The following NCKAP5 variants were observed in gnomAD, a reference collection of about 807,000 sequenced individuals.
The protein encoded by NCKAP5 is NCK associated protein 5, also known as nck-associated protein 5.
NCKAP5 carries 92 observed loss-of-function variants against 167.0 expected under a neutral mutation model. The ratio of observed to expected loss-of-function variants is 0.55; its 90% CI spans 0.47 to 0.66. The LOEUF is 0.66. Ranked by LOEUF, NCKAP5 falls within the 30% of genes least tolerant of loss-of-function variation. The pLI is 0.00. For missense variants in NCKAP5, 2,378 were observed against 2,315.0 expected, an observed-to-expected ratio of 1.03 and a Z score of -0.56; for synonymous variants, 891 against 877.4, an observed-to-expected ratio of 1.02 and a Z score of -0.27.
At chr2:133,113,429 G>C (rs1402366835) in intron 6 of NCKAP5, among the ~76,000 whole-genome samples, 2 of 152,192 alleles carry the variant, frequency 1.3e-5, no homozygotes, top group Non-Finnish European at 2.9e-5. Context: ...TTAGGGAAGG[G>C]TTTCTTGTAA....
At chr2:133,288,973 A>G (rs1016134658) in intron 4 of NCKAP5, among the ~76,000 whole-genome samples, 2 of 152,214 alleles carry the variant, frequency 1.3e-5, no homozygotes, top group Non-Finnish European at 2.9e-5. Context: ...AACCATTCTC[A>G]TTACCAATGG....
At chr2:133,086,463 A>T (rs1035115102) in intron 6 of NCKAP5, among the ~76,000 whole-genome samples, 19 of 152,132 alleles carry the variant, frequency 1.2e-4, no homozygotes, top group African/African-American at 4.6e-4. Context: ...AATAAGTAAG[A>T]CCTTATCTCT....
At chr2:132,948,939 T>C (rs932843206) in intron 8 of NCKAP5, among the ~76,000 whole-genome samples, 1 of 151,352 alleles carries the variant, frequency 6.6e-6, no homozygotes, top group African/African-American at 2.4e-5. Context: ...AAAATTCAAG[T>C]AAATTCAAAG....
intron 19 of NCKAP5, among the ~76,000 whole-genome samples, chr2:132,677,155 A>C (rs1684591778): frequency 6.6e-6 from 1 of 152,178 alleles, no homozygotes; most frequent in Admixed American, 6.5e-5. Context: ...TGATAAAATT[A>C]ATATACTACA....
At chr2:133,240,454 T>C (rs2087635258) in intron 4 of NCKAP5, among the ~76,000 whole-genome samples, 1 of 152,158 alleles carries the variant, frequency 6.6e-6, no homozygotes. Flanking sequence ...CATGCCCATC[T>C]CTGATGCCCC....
chr2:133,302,471 A>G (rs866203422), intron 4 of NCKAP5, among the ~76,000 whole-genome samples: 2 of 36,970 alleles, frequency 5.4e-5, no homozygotes, highest in East Asian at 6.1e-4. Flanking sequence ...ATGAGTTCAT[A>G]TCCTTTGTAG....
At chr2:133,349,359 T>C (rs1684195434) in intron 3 of NCKAP5, among the ~76,000 whole-genome samples, 1 of 152,174 alleles carries the variant, frequency 6.6e-6, no homozygotes, top group South Asian at 2.1e-4. Flanking sequence ...TGACTTCTGC[T>C]CCGCACAGCA....
chr2:133,616,630 TAACAGGAGCTGAAA>T, the NCKAP5 span, among the ~76,000 whole-genome samples: 448 of 152,004 alleles, frequency 2.9e-3, 1 homozygote, highest in Middle Eastern at 6.8e-3. Context: ...AATAGACCAA[TAACAGGAGCTGAAA>T]TTGTGGCAAT....
At chr2:132,812,768 T>C (rs1345309281) in intron 11 of NCKAP5, among the ~76,000 whole-genome samples, 1 of 152,190 alleles carries the variant, frequency 6.6e-6, no homozygotes, top group Non-Finnish European at 1.5e-5. Flanking sequence ...AATAGAAATG[T>C]ATTTCTCGCA....
At chr2:133,417,555 T>C (rs542857529) in intron 3 of NCKAP5, among the ~76,000 whole-genome samples, 17 of 152,298 alleles carry the variant, frequency 1.1e-4, no homozygotes, top group African/African-American at 3.8e-4. Flanking sequence ...GGAAATATGC[T>C]AATCCAAGGG....
intron 8 of NCKAP5, among the ~76,000 whole-genome samples, chr2:132,887,344 T>TATCC (rs1251023434): frequency 1.0e-5 from 1 of 100,340 alleles, no homozygotes; most frequent in Non-Finnish European, 2.0e-5. Context: ...TCTATCTATC[T>TATCC]ATCTATCCAT....
At chr2:132,934,650 C>T (rs951643460) in intron 8 of NCKAP5, among the ~76,000 whole-genome samples, 7 of 151,948 alleles carry the variant, frequency 4.6e-5, no homozygotes, top group Admixed American at 2.0e-4. Context: ...GAAAAAAAAC[C>T]TTTTAAATCA....
chr2:133,098,626 C>T (rs1251629971), intron 6 of NCKAP5, among the ~76,000 whole-genome samples: 1 of 152,232 alleles, frequency 6.6e-6, no homozygotes, highest in East Asian at 1.9e-4. Context: ...TTTTGTTGAA[C>T]TATCCACCTT....
intron 6 of NCKAP5, among the ~76,000 whole-genome samples, chr2:133,068,807 A>T (rs941076670): frequency 2.0e-5 from 3 of 152,212 alleles, no homozygotes; most frequent in Non-Finnish European, 4.4e-5. Flanking sequence ...GCATTGTTAA[A>T]TATTTCAGAA....
the NCKAP5 span, among the ~76,000 whole-genome samples, chr2:133,623,118 A>T: frequency 1.3e-5 from 2 of 152,240 alleles, no homozygotes; most frequent in Non-Finnish European, 2.9e-5. Context: ...ATGAAACTGG[A>T]TCCTCATCTC....
chr2:132,898,664 T>C (rs574354529), intron 8 of NCKAP5, among the ~76,000 whole-genome samples: 3 of 152,336 alleles, frequency 2.0e-5, no homozygotes, highest in East Asian at 3.9e-4. Context: ...ATTAATCTTT[T>C]TGCACATCTA....
chr2:133,223,318 G>A (rs1018645267), intron 4 of NCKAP5, among the ~76,000 whole-genome samples: 4 of 152,074 alleles, frequency 2.6e-5, no homozygotes, highest in Admixed American at 6.5e-5. Flanking sequence ...ATAAGAGCCC[G>A]GTGGCGATCT....
At chr2:133,356,626 C>T (rs1684733475) in intron 3 of NCKAP5, among the ~76,000 whole-genome samples, 1 of 152,122 alleles carries the variant, frequency 6.6e-6, no homozygotes, top group African/African-American at 2.4e-5. Flanking sequence ...GTTATATCAC[C>T]AAATCAACAC....
At chr2:132,818,301 T>C (rs905798083) in intron 11 of NCKAP5, among the ~76,000 whole-genome samples, 1 of 152,216 alleles carries the variant, frequency 6.6e-6, no homozygotes, top group Non-Finnish European at 1.5e-5. Flanking sequence ...ATCTAAGCAA[T>C]TGTCCTGTCT....
Sources: gnomAD v4.1 joint callset for allele counts (sites outside exome capture counted in the v4.1 genomes callset) on GRCh38, gnomAD v4.1.1 for gene constraint, MANE v1.5 for transcripts, NCBI Gene and HGNC (gene_info 2026-07-23, HGNC 2026-07-21) for gene names.